Variants in GRK5 observed in about 807,000 individuals in gnomAD.
The protein encoded by GRK5 is G protein-coupled receptor kinase 5.
GRK5 carries 40 observed loss-of-function variants against 78.4 expected under a neutral mutation model. The ratio of observed to expected loss-of-function variants is 0.51; its 90% CI spans 0.40 to 0.66. GRK5 has a LOEUF of 0.66. GRK5 is among the 30% of genes least tolerant of loss of function. The pLI is 0.00. For missense variants in GRK5, 598 were observed against 759.9 expected, an observed-to-expected ratio of 0.79 and a Z score of 2.50; for synonymous variants, 289 against 296.8, an observed-to-expected ratio of 0.97 and a Z score of 0.27.
chr10:119,223,543 G>A (rs1340968592), intron 1 of GRK5, among the ~76,000 whole-genome samples: 42 of 151,986 alleles, frequency 2.8e-4, no homozygotes, highest in Non-Finnish European at 7.4e-5. Context: ...AGATTATCTT[G>A]GACATCCAGA....
intron 6 of GRK5, among the ~76,000 whole-genome samples, chr10:119,427,353 T>TCAG (rs1240181866): frequency 6.7e-6 from 1 of 148,674 alleles, no homozygotes; most frequent in African/African-American, 2.5e-5. Context: ...ACCACCATCA[T>TCAG]CAGCATCATC....
At chr10:119,417,135 G>A (rs183815636) in intron 4 of GRK5, among the ~76,000 whole-genome samples, 7 of 152,324 alleles carry the variant, frequency 4.6e-5, no homozygotes, top group Non-Finnish European at 5.9e-5. Context: ...TTGGGCTGTC[G>A]CCTGCCCTTG....
chr10:119,316,924 C>T (rs925345041), intron 1 of GRK5, among the ~76,000 whole-genome samples: 1 of 152,186 alleles, frequency 6.6e-6, no homozygotes, highest in Non-Finnish European at 1.5e-5. Context: ...AATCCCATGG[C>T]TGGTCTCTCT....
chr10:119,449,771 G>A (rs1358679565), intron 13 of GRK5, among the ~76,000 whole-genome samples: 3 of 152,148 alleles, frequency 2.0e-5, no homozygotes, highest in Non-Finnish European at 2.9e-5. Flanking sequence ...CCTGGGCGAC[G>A]GAGCGAGACT....
chr10:119,443,490 C>T (rs563072958), intron 11 of GRK5, 54 bp from the exon 12 acceptor site: 34 of 1,503,974 alleles, frequency 2.3e-5, no homozygotes, highest in East Asian at 2.1e-4. Context: ...CTGTGAGCAG[C>T]GCCACCAGCT....
intron 2 of GRK5, among the ~76,000 whole-genome samples, chr10:119,345,210 C>T (rs904812194): frequency 1.3e-5 from 2 of 152,118 alleles, no homozygotes; most frequent in South Asian, 2.1e-4. Context: ...CCTCATGATC[C>T]GCCCGCCTCG....
chr10:119,436,982 C>A, intron 9 of GRK5, 141 bp downstream of exon 9: 1 of 799,912 alleles, frequency 1.3e-6, no homozygotes, highest in Non-Finnish European at 1.9e-6. Context: ...GTCAGACAGA[C>A]TTTCCACTCC....
intron 1 of GRK5, among the ~76,000 whole-genome samples, chr10:119,236,240 G>T (rs774462207): frequency 2.0e-5 from 3 of 152,064 alleles, no homozygotes; most frequent in Non-Finnish European, 4.4e-5. Context: ...TTTTGAGACG[G>T]AGTCTCGCTG....
chr10:119,298,198 G>A (rs1373940716), intron 1 of GRK5, among the ~76,000 whole-genome samples: 1 of 152,068 alleles, frequency 6.6e-6, no homozygotes, highest in Non-Finnish European at 1.5e-5. Flanking sequence ...AGTACTATTT[G>A]GTCATTTATT....
chr10:119,337,552 A>C (rs529009607), intron 2 of GRK5, among the ~76,000 whole-genome samples: 1 of 152,020 alleles, frequency 6.6e-6, no homozygotes. Context: ...CATCAGCCCT[A>C]TCCCTGTCTT....
At chr10:119,291,690 A>C (rs1376657248) in intron 1 of GRK5, among the ~76,000 whole-genome samples, 359 of 66,198 alleles carry the variant, frequency 5.4e-3, no homozygotes, top group Middle Eastern at 0.014. Flanking sequence ...CTTCCTCCTC[A>C]TCCTCTTCCT....
At chr10:119,297,520 C>T (rs971572725) in intron 1 of GRK5, among the ~76,000 whole-genome samples, 1 of 152,180 alleles carries the variant, frequency 6.6e-6, no homozygotes, top group African/African-American at 2.4e-5. Flanking sequence ...AATGTGATTG[C>T]CATTGCGATG....
chr10:119,232,432 G>C lies in GRK5; in HGVS notation c.52+24463G>C, dbSNP rs572324854. ...GTTCTATATCTGTAGAATGACTGTA[G>C]TTAACACTAATATGTAGTTTCAAAT... On this transcript the variant is annotated intron_variant, in intron 1 of 15. Coordinates refer to ENST00000392870, the MANE Select transcript of GRK5 (RefSeq NM_005308.3). 2.6e-5 allele frequency among the ~76,000 whole-genome samples: 4 copies of C among 152,314 alleles called. No homozygotes were observed. In the South Asian group the frequency reaches 8.3e-4, roughly 32 times the overall value.
In GRK5 at chr10:119,261,313, G is replaced by C. The variant is rs577853367; in HGVS notation, c.52+53344G>C. On this transcript the variant is annotated intron_variant, in intron 1 of 15. Transcript: ENST00000392870. ...ACATCCCAGACAGGGCGGCGGGGCAGAGACGCTCCTCACTTCCTAGATGGG... is the reference window on the plus strand; with the variant it reads ...ACATCCCAGACAGGGCGGCGGGGCACAGACGCTCCTCACTTCCTAGATGGG... 4.0e-3 allele frequency among the ~76,000 whole-genome samples: 606 copies of C among 150,782 alleles called. 2 individuals carry two copies. Among genetic ancestry groups the C allele is most frequent in the African/African-American group, 0.014 (577 of 40,998 alleles).
chr10:119,422,354 G>A (rs1229391880), intron 4 of GRK5, among the ~76,000 whole-genome samples: 3 of 152,228 alleles, frequency 2.0e-5, no homozygotes, highest in African/African-American at 7.2e-5. Flanking sequence ...CAACGGTGGT[G>A]ACATTTATTA....
chr10:119,394,303 TGTGTGGGCACGTGGGTGTGTGTATCTGTG>T (rs1851967101), intron 3 of GRK5, among the ~76,000 whole-genome samples: 1 of 13,204 alleles, frequency 7.6e-5, no homozygotes, highest in Non-Finnish European at 3.8e-4. Context: ...TCTGTGTGTC[TGTGTGGGCACGTGGGTGTGTGTATCTGTG>T]TGTCTGTGTG....
At chr10:119,392,319 G>T (rs571356372) in intron 3 of GRK5, among the ~76,000 whole-genome samples, 1 of 152,332 alleles carries the variant, frequency 6.6e-6, no homozygotes, top group Non-Finnish European at 1.5e-5. Flanking sequence ...AAATCACAAT[G>T]CAGGGAGAAG....
intron 12 of GRK5, among the ~76,000 whole-genome samples, chr10:119,444,723 A>G (rs1853108530): frequency 6.6e-6 from 1 of 152,154 alleles, no homozygotes; most frequent in African/African-American, 2.4e-5. Flanking sequence ...TGTACCCCGT[A>G]TCCCATGTAC....
intron 2 of GRK5, among the ~76,000 whole-genome samples, chr10:119,367,930 C>A (rs370398112): frequency 2.6e-5 from 4 of 152,254 alleles, no homozygotes; most frequent in Non-Finnish European, 5.9e-5. Flanking sequence ...CGCTAGACCC[C>A]GGCCAGTGGC....
Sources: gnomAD v4.1 joint callset for allele counts (sites outside exome capture counted in the v4.1 genomes callset) on GRCh38, gnomAD v4.1.1 for gene constraint, MANE v1.5 for transcripts, NCBI Gene and HGNC (gene_info 2026-07-23, HGNC 2026-07-21) for gene names.